PAX6: variants seen among roughly 807,000 people sequenced by gnomAD.
The protein encoded by PAX6 is paired box protein Pax-6.
In PAX6, 7 loss-of-function variants were observed where a neutral mutation model predicts 60.7. The ratio of observed to expected loss-of-function variants is 0.12; its 90% confidence interval spans 0.07 to 0.22. The LOEUF (loss-of-function observed/expected upper bound fraction) is 0.22, where lower values mean the gene tolerates loss of function less well. Ranked by LOEUF, PAX6 falls within the 10% of genes least tolerant of loss-of-function variation. The pLI is 1.00. For missense variants in PAX6, 355 were observed against 555.2 expected (o/e 0.64, Z 3.62); for synonymous variants, 208 against 201.2 (o/e 1.03, Z -0.29).
At chr11:31,796,139 C>T (rs1461144109) in intron 8 of PAX6, among the ~76,000 whole-genome samples, 1 of 152,234 alleles carries the variant, frequency 6.6e-6, no homozygotes, top group Non-Finnish European at 1.5e-5. Flanking sequence ...CGGCACTGGC[C>T]ACCATATGGG....
intron 8 of PAX6, among the ~76,000 whole-genome samples, chr11:31,798,546 C>T (rs557505898): frequency 1.3e-5 from 2 of 152,280 alleles, no homozygotes; most frequent in South Asian, 2.1e-4. Flanking sequence ...CACCGGTGCC[C>T]GCTACCCCCA....
At chr11:31,790,484 CACA>C in intron 13 of PAX6, 1 of 985,292 alleles carries the variant, frequency 1.0e-6, no homozygotes, top group African/African-American at 1.7e-5. Context: ...TGTCTTCATA[CACA>C]ACTTTTGTGA....
chr11:31,815,895 C>T (rs1540320), upstream of PAX6, among the ~76,000 whole-genome samples: 30,007 of 152,166 alleles, frequency 0.2, 3,099 homozygotes, highest in East Asian at 0.3. Flanking sequence ...GCCCGGGGGA[C>T]AGAGGGGCTG....
chr11:31,797,291 C>T (rs1951886872), intron 8 of PAX6, among the ~76,000 whole-genome samples: 1 of 152,118 alleles, frequency 6.6e-6, no homozygotes, highest in Non-Finnish European at 1.5e-5. Flanking sequence ...CCGAAGAACC[C>T]CGCCGATAGC....
chr11:31,797,039 T>G (rs1043178180), intron 8 of PAX6, among the ~76,000 whole-genome samples: 2 of 152,108 alleles, frequency 1.3e-5, no homozygotes, highest in African/African-American at 4.8e-5. Context: ...ATTTTCGGGT[T>G]TGGTGAAGAA....
Position 31,793,634 on chromosome 11 carries a change from A to C in PAX6, c.958+18T>G, listed in dbSNP as rs375447595. On this transcript the variant is annotated intron_variant, in intron 11 of 13. Transcript: ENST00000640368. ...AGGTTTAAAGACATTGATTCGTAGT[A>C]TTAGTATTTCAAATTACCCGGTGTG... The C allele has an allele frequency of 1.2e-6, 2 of 1,614,146 alleles. No homozygotes were observed. The highest frequency in any genetic ancestry group is 2.7e-5 in the African/African-American group (2 of 75,048).
At chr11:31,813,357 C>A (rs964653182), upstream of PAX6, among the ~76,000 whole-genome samples, 1 of 94,760 alleles carries the variant, frequency 1.1e-5, no homozygotes, top group Admixed American at 1.6e-4. Context: ...GACTCAAGTC[C>A]GCTGTGCATG....
intron 5 of PAX6, 122 bp downstream of exon 5, chr11:31,802,582 G>A: frequency 9.7e-7 from 1 of 1,030,396 alleles, no homozygotes. Flanking sequence ...GGGGACTGGG[G>A]ACTGGGGTGG....
intron 8 of PAX6, among the ~76,000 whole-genome samples, chr11:31,798,560 CG>C (rs1241490188): frequency 1.3e-5 from 2 of 152,170 alleles, no homozygotes; most frequent in African/African-American, 2.4e-5. Flanking sequence ...ACCCCCACGC[CG>C]GCAACTCTGT....
At position 31,806,480 on chromosome 11, in the gene PAX6, G is replaced by A; in HGVS notation, c.-51-18C>T. The A allele has an allele frequency of 1.3e-6, 2 of 1,572,288 alleles. No homozygotes were observed. The highest frequency in any genetic ancestry group is 4.7e-5 in the East Asian group (2 of 42,664). ...ATGGGGCTCTGTTAGCAAGAAAATAGGAGTTAATCCTCGGGCAGCTGCATC... is the reference window on the plus strand; with the variant it reads ...ATGGGGCTCTGTTAGCAAGAAAATAAGAGTTAATCCTCGGGCAGCTGCATC... On this transcript the variant is annotated intron_variant, in intron 3 of 13. Coordinates refer to ENST00000640368, the MANE Select transcript of PAX6 (RefSeq NM_001368894.2).
At chr11:31,803,308 C>G (rs1954721300) in intron 4 of PAX6, 1 of 210,224 alleles carries the variant, frequency 4.8e-6, no homozygotes, top group Non-Finnish European at 9.8e-6. Flanking sequence ...TCCCAAAGAT[C>G]CCCTCTGAGT....
chr11:31,798,278 T>C (rs552814715), intron 8 of PAX6, among the ~76,000 whole-genome samples: 42 of 152,164 alleles, frequency 2.8e-4, no homozygotes, highest in African/African-American at 9.4e-4. Context: ...CGCCGGAGAA[T>C]TGGGGCTGGA....
At chr11:31,796,226 C>T (rs986933428) in intron 8 of PAX6, among the ~76,000 whole-genome samples, 1 of 152,114 alleles carries the variant, frequency 6.6e-6, no homozygotes, top group African/African-American at 2.4e-5. Flanking sequence ...CAATGCCCCG[C>T]GAGTAAGGGA....
intron 12 of PAX6, 86 bp from the exon 13 acceptor site, chr11:31,790,946 C>T (rs1565188924): frequency 4.3e-6 from 6 of 1,401,730 alleles, no homozygotes; most frequent in Non-Finnish European, 6.0e-6. Flanking sequence ...AGGAACTCTG[C>T]CAACAAGTCT....
At chr11:31,800,146 G>C (rs1029323145) in intron 8 of PAX6, among the ~76,000 whole-genome samples, 2 of 151,954 alleles carry the variant, frequency 1.3e-5, no homozygotes, top group Admixed American at 6.6e-5. Context: ...AGGGGCGAAC[G>C]GGGGAGGGGC....
intron 5 of PAX6, 101 bp from the exon 6 acceptor site, chr11:31,802,013 A>G (rs1954073227): frequency 1.0e-6 from 1 of 952,398 alleles, no homozygotes; most frequent in African/African-American, 1.6e-5. Flanking sequence ...AAATATGATG[A>G]TACTTTCAAA....
At chr11:31,811,093 G>C (rs1365783765) in intron 1 of PAX6, 22 bp downstream of exon 1, 1 of 399,056 alleles carries the variant, frequency 2.5e-6, no homozygotes, top group African/African-American at 2.1e-5. Flanking sequence ...GTGGGTGAGG[G>C]AAGTGGCTGC....
intron 2 of PAX6, chr11:31,808,124 C>CACA (rs1188370906): frequency 6.6e-6 from 1 of 152,042 alleles, no homozygotes; most frequent in Non-Finnish European, 1.5e-5. Flanking sequence ...ACAAAACAGT[C>CACA]ACAGCATCAT....
chr11:31,817,902 GC>G (rs1957452848), exon 1 of PAX6: 1 of 152,698 alleles, frequency 6.5e-6, no homozygotes, highest in Non-Finnish European at 1.5e-5. Context: ...AGATCTGACA[GC>G]CGCGTTCTAC....
Sources: gnomAD v4.1 joint callset for allele counts (sites outside exome capture counted in the v4.1 genomes callset) on GRCh38, gnomAD v4.1.1 for gene constraint, MANE v1.5 for transcripts, NCBI Gene and HGNC (gene_info 2026-07-23, HGNC 2026-07-21) for gene names.